Variants in DAB2IP observed in about 807,000 individuals in gnomAD.
DAB2IP encodes the protein disabled homolog 2-interacting protein.
Under a neutral mutation model 107.2 loss-of-function variants are expected in DAB2IP, and 28 were observed. The observed-to-expected ratio is 0.26, with a 90% confidence interval of 0.19 to 0.36. The LOEUF (loss-of-function observed/expected upper bound fraction) is 0.36, where lower values mean the gene tolerates loss of function less well. Ranked by LOEUF, DAB2IP falls within the 10% of genes least tolerant of loss-of-function variation. The pLI, the probability that DAB2IP is intolerant of heterozygous loss-of-function variation, is 1.00. For synonymous variants in DAB2IP, 755 were observed against 706.4 expected, an observed-to-expected ratio of 1.07 and a Z score of -1.09; for missense variants, 1,400 against 1,644.7, an observed-to-expected ratio of 0.85 and a Z score of 2.57.
chr9:121,646,800 G>A (rs919931905), upstream of DAB2IP, among the ~76,000 whole-genome samples: 17 of 152,072 alleles, frequency 1.1e-4, no homozygotes, highest in South Asian at 2.3e-3. Context: ...CCACTCCCCC[G>A]TCTCTGCATT....
intron 11 of DAB2IP, among the ~76,000 whole-genome samples, chr9:121,771,700 C>T (rs1030237593): frequency 6.6e-6 from 1 of 152,074 alleles, no homozygotes; most frequent in African/African-American, 2.4e-5. Context: ...GCAGCCAGGC[C>T]CCCACTGCTC....
At position 121,772,554 on chromosome 9, in the gene DAB2IP, C is replaced by T. The variant is rs1588001420; in HGVS notation, c.2079-53C>T. 1 of 1,562,488 alleles carries T rather than the reference C, an allele frequency of 6.4e-7. No individual in the cohort carries two copies. Among genetic ancestry groups the T allele is most frequent in the East Asian group, 2.3e-5 (1 of 44,374 alleles). On this transcript the variant is annotated intron_variant, in intron 11 of 15. Coordinates refer to ENST00000408936, the Ensembl canonical transcript of DAB2IP. This position sits in a 1 kb window ranked among gnomAD's most constrained non-coding sequence, Gnocchi z 4.7. ...TCGGTTTGGACCCGCCTTGGCTGCA[C>T]TCACAGTTCTTCTTTTCCCCTTCTT...
chr9:121,701,441 G>A lies in DAB2IP; in HGVS notation c.362+1983G>A, dbSNP rs1234512746. On this transcript the variant is annotated intron_variant, in intron 3 of 15. Transcript: ENST00000408936. This position sits in a 1 kb window ranked among gnomAD's most constrained non-coding sequence, Gnocchi z 4.7. ...CTGGAAACAGTAGGAAACGGTAGCG[G>A]TTGGAGCAGAATGTCACTGGCAGCG... Among the ~76,000 whole-genome samples the A allele has an allele frequency of 1.3e-5, 2 of 152,226 alleles. No homozygotes were observed. The highest frequency in any genetic ancestry group is 2.4e-5 in the African/African-American group (1 of 41,466).
intron 2 of DAB2IP, among the ~76,000 whole-genome samples, chr9:121,682,951 G>A (rs1828672305): frequency 6.6e-6 from 1 of 152,146 alleles, no homozygotes; most frequent in African/African-American, 2.4e-5. Context: ...AGGGGGCCCT[G>A]AATGAGGATG....
intron 3 of DAB2IP, among the ~76,000 whole-genome samples, chr9:121,732,351 G>A (rs1831593320): frequency 3.9e-5 from 6 of 152,202 alleles, no homozygotes; most frequent in Admixed American, 3.9e-4. Flanking sequence ...GAGTGAACAT[G>A]TGTCAACATC....
At chr9:121,687,553 G>C (rs1223644963) in intron 2 of DAB2IP, among the ~76,000 whole-genome samples, 1 of 152,222 alleles carries the variant, frequency 6.6e-6, no homozygotes, top group African/African-American at 2.4e-5. Context: ...GTGGTGGTCA[G>C]AGCTTGCACT....
upstream of DAB2IP, among the ~76,000 whole-genome samples, chr9:121,649,484 T>C (rs1832660671): frequency 9.7e-6 from 1 of 102,814 alleles, no homozygotes; most frequent in Non-Finnish European, 2.5e-5. Context: ...GAGTTGATTG[T>C]GAGCCTCCCG....
chr9:121,672,296 G>A (rs746927744), intron 1 of DAB2IP, among the ~76,000 whole-genome samples: 2 of 152,132 alleles, frequency 1.3e-5, no homozygotes, highest in Non-Finnish European at 2.9e-5. Context: ...TGACGTTAGC[G>A]TTAAGAGGTT....
At chr9:121,690,798 C>T (rs1453862545) in intron 2 of DAB2IP, among the ~76,000 whole-genome samples, 4 of 152,130 alleles carry the variant, frequency 2.6e-5, no homozygotes, top group Non-Finnish European at 4.4e-5. Flanking sequence ...TGTCCTCTGC[C>T]CTGGGGAAGG....
intron 1 of DAB2IP, among the ~76,000 whole-genome samples, chr9:121,572,296 T>C (rs949012792): frequency 6.6e-6 from 1 of 152,106 alleles, no homozygotes; most frequent in Non-Finnish European, 1.5e-5. Context: ...CATGAGACTA[T>C]AAGGCCCTTG....
At chr9:121,773,327 C>T in exon 12 of DAB2IP, 2 of 1,403,986 alleles carry the variant, frequency 1.4e-6, no homozygotes, top group Non-Finnish European at 1.9e-6. Context: ...CCCCCCGCGG[C>T]CGGACGCCCC....
upstream of DAB2IP, among the ~76,000 whole-genome samples, chr9:121,647,683 G>A (rs1396164874): frequency 6.6e-6 from 1 of 152,120 alleles, no homozygotes; most frequent in Non-Finnish European, 1.5e-5. Flanking sequence ...GGAGGGGGGT[G>A]TCTCTCCTTG....
intron 8 of DAB2IP, among the ~76,000 whole-genome samples, chr9:121,765,994 C>A (rs1834251795): frequency 6.6e-6 from 1 of 152,146 alleles, no homozygotes; most frequent in Non-Finnish European, 1.5e-5. Flanking sequence ...ATTATTCAAG[C>A]AAAGGAAATT....
At chr9:121,567,342 A>G (rs1829828444) in intron 1 of DAB2IP, 4 of 1,511,274 alleles carry the variant, frequency 2.6e-6, no homozygotes, top group Non-Finnish European at 3.6e-6. Flanking sequence ...GCATCTGGGC[A>G]CTGTCTGGTC....
At chr9:121,784,694 A>T (rs1017224506) in exon 16 of DAB2IP, 2 of 154,956 alleles carry the variant, frequency 1.3e-5, no homozygotes, top group Non-Finnish European at 2.9e-5. Flanking sequence ...GCTGGCCGGG[A>T]CTGCTGCTCT....
chr9:121,781,972 C>T (rs936959924), intron 15 of DAB2IP, among the ~76,000 whole-genome samples: 1 of 152,186 alleles, frequency 6.6e-6, no homozygotes, highest in African/African-American at 2.4e-5. Context: ...GCACCGCTTT[C>T]CTTTCACTCA....
chr9:121,779,581 C>T (rs1267026592), intron 14 of DAB2IP, among the ~76,000 whole-genome samples: 9 of 152,198 alleles, frequency 5.9e-5, no homozygotes, highest in Admixed American at 3.9e-4. Context: ...TTTTGTTAGG[C>T]TGCGTCCTGC....
At chr9:121,609,477 T>C (rs1665044442) in intron 1 of DAB2IP, among the ~76,000 whole-genome samples, 1 of 152,196 alleles carries the variant, frequency 6.6e-6, no homozygotes, top group South Asian at 2.1e-4. Context: ...GGGACCCCCA[T>C]TCGGCTCCCA....
At chr9:121,747,598 C>T (rs1013856252) in intron 3 of DAB2IP, among the ~76,000 whole-genome samples, 8 of 152,074 alleles carry the variant, frequency 5.3e-5, no homozygotes, top group Admixed American at 2.6e-4. Flanking sequence ...CCACCTGCCT[C>T]GGCCTCCCAA....
Sources: gnomAD v4.1 joint callset for allele counts (sites outside exome capture counted in the v4.1 genomes callset) on GRCh38, gnomAD v4.1.1 for gene constraint, Gnocchi (gnomAD v3.1) non-coding constraint, MANE v1.5 for transcripts, NCBI Gene and HGNC (gene_info 2026-07-23, HGNC 2026-07-21) for gene names.